Variants in EEF1A2 observed in about 807,000 individuals in gnomAD.
The protein encoded by EEF1A2 is elongation factor 1-alpha 2.
Under a neutral mutation model 39.3 loss-of-function variants are expected in EEF1A2, and 5 were observed. The observed-to-expected ratio is 0.13, with a 90% CI of 0.07 to 0.27. EEF1A2 has a LOEUF of 0.27. Among genes scored for constraint, EEF1A2 ranks in the 10% least tolerant of loss-of-function variants. EEF1A2 has a pLI of 1.00. For synonymous variants in EEF1A2, 287 were observed against 293.7 expected, an observed-to-expected ratio of 0.98 and a Z score of 0.23; for missense variants, 218 against 681.4, an observed-to-expected ratio of 0.32 and a Z score of 7.57.
intron 4 of EEF1A2, among the ~76,000 whole-genome samples, chr20:63,494,148 C>G (rs1369684846): frequency 6.6e-6 from 1 of 152,248 alleles, no homozygotes; most frequent in African/African-American, 2.4e-5. Flanking sequence ...TGGGCAGCGA[C>G]AGTGCTGGCA....
chr20:63,488,675 C>G (rs2082364489), intron 7 of EEF1A2, among the ~76,000 whole-genome samples: 1 of 152,226 alleles, frequency 6.6e-6, no homozygotes. Context: ...GCCTTCCTCA[C>G]TCGCGGGGCC....
In EEF1A2 at chr20:63,488,848, C is replaced by A. The variant is rs2082365531; in HGVS notation, c.1264+70G>T. On this transcript the variant is annotated intron_variant, in intron 7 of 7. Transcript: ENST00000217182. ...TGCTGTCCCCAGCGCCCCATCCCCGCAGTCCTCTGCCCTCAGCCTGGATCA... is the reference window on the plus strand; with the variant it reads ...TGCTGTCCCCAGCGCCCCATCCCCGAAGTCCTCTGCCCTCAGCCTGGATCA... 1.4e-5 allele frequency: 21 copies of A among 1,528,528 alleles called. No individual in the cohort carries two copies. In the East Asian group the frequency reaches 4.6e-4, roughly 33 times the overall value. 94.7% of individuals were successfully genotyped at this position (1,528,528 alleles called of 1,614,324 possible).
At position 63,488,364 on chromosome 20, in the gene EEF1A2, C is replaced by T. The variant is rs1042796; in HGVS notation, c.1326G>A (p.Glu442=). Residue 442 remains glutamate, a synonymous_variant, in exon 8 of 8, where the codon GAG becomes GAA. Transcript: ENST00000217182. ...CCTTGCCGGCGCCGCCGCTCTTCTT[C>T]TCCACGTTCTTGATGACGCCTACGG... The part of the protein sequence containing the change: ...TVAVGVIKNV[E]KKSGGAGKVT... 22,207 of 1,477,194 alleles carry T rather than the reference C, an allele frequency of 0.015. 1,651 individuals are homozygous for T. The highest frequency in any genetic ancestry group is 0.14 in the South Asian group (10,866 of 77,504). The allele number at this position is 1,477,194 out of a possible 1,614,324, so 91.5% of individuals were successfully genotyped here.
In EEF1A2 at chr20:63,497,596, A is replaced by T; in HGVS notation, c.144+24T>A. On this transcript the variant is annotated intron_variant, in intron 2 of 7. Transcript: ENST00000217182. This position sits in a 1 kb window ranked among gnomAD's most constrained non-coding sequence, Gnocchi z 7.3. The stretch of plus-strand genomic sequence containing the variant: ...GTTGGGGGTTCCTTCTCAGGGGGCC[A>T]AGACCATAGCCTGGGGAGCTCACCT... 2 of 1,605,144 alleles carry T rather than the reference A, an allele frequency of 1.2e-6. No homozygotes were observed. Among genetic ancestry groups the T allele is most frequent in the Non-Finnish European group, 8.5e-7 (1 of 1,175,234 alleles).
chr20:63,490,857 G>T (rs1259292906), intron 5 of EEF1A2, 122 bp from the exon 6 acceptor site: 3 of 1,241,296 alleles, frequency 2.4e-6, no homozygotes, highest in African/African-American at 1.5e-5. Context: ...CAGGCCTGGG[G>T]GTTGGGGCCA....
chr20:63,489,218 G>C (rs921915639), intron 6 of EEF1A2, 66 bp from the exon 7 acceptor site: 1 of 1,503,184 alleles, frequency 6.7e-7, no homozygotes, highest in South Asian at 1.2e-5. Flanking sequence ...GCGCCAGAGC[G>C]GGGCTGGGAG....
intron 4 of EEF1A2, 95 bp downstream of exon 4, chr20:63,494,710 G>C (rs2082408492): frequency 6.8e-7 from 1 of 1,459,916 alleles, no homozygotes; most frequent in African/African-American, 1.4e-5. Context: ...CCGGGGACAG[G>C]CCCTCGACCT....
intron 4 of EEF1A2, 117 bp from the exon 5 acceptor site, chr20:63,493,404 T>C: frequency 7.9e-7 from 1 of 1,261,552 alleles, no homozygotes; most frequent in Non-Finnish European, 1.1e-6. Flanking sequence ...CCTCGTGCCC[T>C]TTGAGATGAG....
intron 2 of EEF1A2, chr20:63,496,371 A>C: frequency 3.1e-6 from 1 of 319,140 alleles, no homozygotes; most frequent in Non-Finnish European, 5.9e-6. Context: ...CCTTTATCTG[A>C]AGCTGCGGAC....
Position 63,494,889 on chromosome 20 carries a change from C to T in EEF1A2, c.537G>A (p.Lys179=), listed in dbSNP as rs1314467080. 6.2e-7 allele frequency: 1 copy of T among 1,612,766 alleles called. No homozygotes were observed. Among genetic ancestry groups the T allele is most frequent in the Non-Finnish European group, 8.5e-7 (1 of 1,179,954 alleles). The change falls in exon 4 of 8, where the codon AAG becomes AAA. Residue 179 remains lysine, a synonymous_variant. Coordinates refer to ENST00000217182, the MANE Select transcript of EEF1A2 (RefSeq NM_001958.5). ...CGGTGGCCGGGTTGTAGCCGATCTT[C>T]TTGATGTAGGCGCTGACTTCCTTGA... ...EIVKEVSAYI[K]KIGYNPATVP... is the part of the protein sequence containing the mutation.
In EEF1A2 at chr20:63,495,229, T is replaced by C. The variant is rs1039201545; in HGVS notation, c.325-128A>G. The stretch of plus-strand genomic sequence containing the variant: ...GGGCCTGAGCAGCCCACTGGGGCCT[T>C]GGGGAGGGAGGCATGGGGGTCCCCA... On this transcript the variant is annotated intron_variant, in intron 3 of 7. Coordinates refer to ENST00000217182, the MANE Select transcript of EEF1A2 (RefSeq NM_001958.5). 3.7e-6 allele frequency: 5 copies of C among 1,361,566 alleles called. No individual in the cohort carries two copies. The Admixed American group carries it at 1.3e-4, about 35-fold the overall frequency. The allele number at this position is 1,361,566 out of a possible 1,614,324, so 84.3% of individuals were successfully genotyped here. A position where few individuals can be genotyped will look rare whatever the true frequency, so the allele number is the denominator to read the frequency against.
rs2145944981 is a variant in EEF1A2 at position 63,495,094 on chromosome 20, C to T, written c.332G>A (p.Cys111Tyr). 6.2e-7 allele frequency: 1 copy of T among 1,608,656 alleles called. No homozygotes were observed. The highest frequency in any genetic ancestry group is 8.5e-7 in the Non-Finnish European group (1 of 1,178,744). ...GCCCGCCGCCACGATCAGCACTGCGCAGTCCGCCTGCCCGGCAGGGGACAC... is the reference window on the plus strand; with the variant it reads ...GCCCGCCGCCACGATCAGCACTGCGTAGTCCGCCTGCCCGGCAGGGGACAC... ...NMITGTSQAD[C>Y]AVLIVAAGVG... The change falls in exon 4 of 8, where the codon TGC becomes TAC. Residue 111 changes from cysteine (C) to tyrosine (Y), a missense_variant. This residue lies in a region of EEF1A2 where 79 missense variants were observed against 172.3 expected (regional missense o/e 0.46). Coordinates refer to ENST00000217182, the MANE Select transcript of EEF1A2 (RefSeq NM_001958.5).
intron 5 of EEF1A2, among the ~76,000 whole-genome samples, chr20:63,490,937 G>C (rs188320768): frequency 1.3e-5 from 2 of 152,212 alleles, no homozygotes; most frequent in African/African-American, 4.8e-5. Flanking sequence ...GGAAGTGGGG[G>C]CTCTCCCACC....
At chr20:63,492,322 A>G (rs2082388419) in intron 5 of EEF1A2, among the ~76,000 whole-genome samples, 2 of 151,966 alleles carry the variant, frequency 1.3e-5, no homozygotes, top group South Asian at 2.1e-4. Flanking sequence ...GAATGGATGG[A>G]TGGATAGATA....
chr20:63,493,029 AG>A, intron 5 of EEF1A2, 107 bp downstream of exon 5: 3 of 1,399,170 alleles, frequency 2.1e-6, no homozygotes, highest in Non-Finnish European at 2.8e-6. Context: ...GTGTGTGGTA[AG>A]GGGAGAGATT....
chr20:63,494,787 G>C lies in EEF1A2; in HGVS notation c.621+18C>G, dbSNP rs555535397. On this transcript the variant is annotated intron_variant, in intron 4 of 7. Transcript: ENST00000217182. ...CCAGCCAGCTCCCGTGGCCCGCCCC[G>C]CCCTAGCCGCCACTCACGTTGGGGG... is the stretch of plus-strand genomic sequence containing the variant. 1.9e-6 allele frequency: 3 copies of C among 1,601,944 alleles called. No individual in the cohort carries two copies. Among genetic ancestry groups the C allele is most frequent in the South Asian group, 2.2e-5 (2 of 90,630 alleles).
rs1453888354 is a variant in EEF1A2, at chr20:63,498,294, G to T, written c.-71-460C>A. 5 of 152,642 alleles carry T rather than the reference G, an allele frequency of 3.3e-5. No homozygotes were observed. The highest frequency in any genetic ancestry group is 9.7e-5 in the African/African-American group (4 of 41,418). 9.5% of individuals were successfully genotyped at this position (152,642 alleles called of 1,614,324 possible). ...CTGCCACCGGGGAGAGATGGCCACTGCTCCCCACTCCCCTCCTCAGGCAGG... is the reference window on the plus strand; with the variant it reads ...CTGCCACCGGGGAGAGATGGCCACTTCTCCCCACTCCCCTCCTCAGGCAGG... On this transcript the variant is annotated intron_variant, in intron 1 of 7. Coordinates refer to ENST00000217182, the MANE Select transcript of EEF1A2 (RefSeq NM_001958.5). The surrounding 1 kb of genome is among the most constrained non-coding windows in gnomAD (Gnocchi z 4.1).
rs2082423152 is a variant in EEF1A2, at chr20:63,497,363, C to A, written c.144+257G>T. On this transcript the variant is annotated intron_variant, in intron 2 of 7. Coordinates refer to ENST00000217182, the MANE Select transcript of EEF1A2 (RefSeq NM_001958.5). This position sits in a 1 kb window ranked among gnomAD's most constrained non-coding sequence, Gnocchi z 7.3. ...GCAGAGTTCCAGAGCCTTCTGCAGA[C>A]CCTCCCAGGTCACCTCCCTCACCAC... 2.3e-6 allele frequency: 1 copy of A among 441,720 alleles called. No individual in the cohort carries two copies. The allele number at this position is 441,720 out of a possible 1,614,324, so 27.4% of individuals were successfully genotyped here. A position where few individuals can be genotyped will look rare whatever the true frequency, so the allele number is the denominator to read the frequency against.
rs1328694551 is a variant in EEF1A2, at chr20:63,497,425, C to A, written c.144+195G>T. 6 of 799,418 alleles carry A rather than the reference C, an allele frequency of 7.5e-6. No individual in the cohort carries two copies. Among genetic ancestry groups the A allele is most frequent in the Non-Finnish European group, 1.1e-5 (6 of 551,928 alleles). 49.5% of individuals were successfully genotyped at this position (799,418 alleles called of 1,614,324 possible). ...GGCAGCTCGATGGCCACCCCTCCCC[C>A]ACCAAGCTCCCCCTAAGAGAGAGGC... is the stretch of plus-strand genomic sequence containing the variant. On this transcript the variant is annotated intron_variant, in intron 2 of 7. Transcript: ENST00000217182. This position sits in a 1 kb window ranked among gnomAD's most constrained non-coding sequence, Gnocchi z 7.3.
Sources: allele counts gnomAD v4.1 joint callset (sites outside exome capture counted in the v4.1 genomes callset), GRCh38; gene constraint gnomAD v4.1.1; regional missense constraint gnomAD v4.1.1; non-coding constraint Gnocchi (gnomAD v3.1); transcripts MANE v1.5; gene names NCBI Gene and HGNC (gene_info 2026-07-23, HGNC 2026-07-21).